BICDL2: variants seen among roughly 807,000 people sequenced by gnomAD.
BICDL2 encodes the protein BICD family-like cargo adapter 2.
In BICDL2, 62 loss-of-function variants were observed where a neutral mutation model predicts 56.6. That is an observed-to-expected ratio of 1.10 (90% confidence interval 0.89 to 1.35). BICDL2 has a LOEUF of 1.35. BICDL2 is among the 40% of genes most tolerant of loss of function. The pLI, the probability that BICDL2 is intolerant of heterozygous loss-of-function variation, is 0.00. For missense variants in BICDL2, 808 were observed against 684.5 expected, an observed-to-expected ratio of 1.18 and a Z score of -2.01; for synonymous variants, 358 against 319.8, an observed-to-expected ratio of 1.12 and a Z score of -1.27.
chr16:3,029,472 G>A (rs1396975687), intron 6 of BICDL2, 43 bp from the exon 7 acceptor site: 1 of 1,584,110 alleles, frequency 6.3e-7, no homozygotes, highest in South Asian at 1.1e-5. Flanking sequence ...AGTTTATTGG[G>A]GAAAGGAGGA....
intron 2 of BICDL2, 38 bp downstream of exon 2, chr16:3,035,177 G>GGCCCCCCCT: frequency 8.4e-6 from 1 of 118,826 alleles, no homozygotes; most frequent in South Asian, 1.4e-4. Context: ...GTCCTCCCCT[G>GGCCCCCCCT]CCCACCCACC....
chr16:3,030,577 G>A lies in BICDL2; in HGVS notation c.634C>T (p.Arg212Cys), dbSNP rs778387307. 6 of 1,596,748 alleles carry A rather than the reference G, an allele frequency of 3.8e-6. No individual in the cohort carries two copies. Among genetic ancestry groups the A allele is most frequent in the African/African-American group, 1.3e-5 (1 of 74,694 alleles). Residue 212 changes from arginine to cysteine, a missense_variant, in exon 5 of 10, where the codon CGC becomes TGC. Physicochemically the swap from Arg to Cys is radical, Grantham distance 180 (BLOSUM62 -3). Transcript: ENST00000572449. ...LQGENQMLQS[R>C]RQDLEAQIRG... ...ATCTGGGCCTCCAGGTCCTGCCGGC[G>A]GCTCTGCAGCATCTGGTTCTGGGGA...
chr16:3,036,673 A>G (rs569030724), intron 1 of BICDL2: 11 of 445,404 alleles, frequency 2.5e-5, no homozygotes, highest in Admixed American at 2.2e-4. Flanking sequence ...TTCCGCACCT[A>G]GCTGCCCAGG....
intron 1 of BICDL2, chr16:3,036,641 C>T (rs1955737386): frequency 2.2e-6 from 1 of 451,564 alleles, no homozygotes; most frequent in Non-Finnish European, 4.4e-6. Context: ...AGACAGGGAC[C>T]TGGAGACCGC....
intron 1 of BICDL2, 39 bp from the exon 2 acceptor site, chr16:3,035,565 C>T: frequency 2.0e-6 from 3 of 1,513,588 alleles, no homozygotes; most frequent in Middle Eastern, 2.4e-4. Context: ...CAGGGGCTCA[C>T]CCTCCGCCCA....
At chr16:3,033,274 C>T (rs2151143912) in intron 2 of BICDL2, among the ~76,000 whole-genome samples, 1 of 151,950 alleles carries the variant, frequency 6.6e-6, no homozygotes, top group Middle Eastern at 3.5e-3. Context: ...CACTGCACTC[C>T]AGCCTGGGCG....
Position 3,035,250 on chromosome 16 carries a change from C to T in BICDL2, c.247G>A (p.Glu83Lys). 1 of 1,541,798 alleles carries T rather than the reference C, an allele frequency of 6.5e-7. No homozygotes were observed. Among genetic ancestry groups the T allele is most frequent in the Non-Finnish European group, 8.8e-7 (1 of 1,142,298 alleles). ...ERNEELRRQL[E>K]TLSAQHLERE... is the part of the protein sequence containing the mutation. Reference sequence around the variant, plus strand: ...TCCAAGTGCTGGGCGCTCAGCGTCTCCAGCTGCCGCCGCAGCTCTTCATTT... The same window carrying T: ...TCCAAGTGCTGGGCGCTCAGCGTCTTCAGCTGCCGCCGCAGCTCTTCATTT... The change falls in exon 2 of 10, where the codon GAG becomes AAG. Residue 83 changes from glutamate to lysine, a missense_variant. Glu to Lys is a moderately conservative substitution (Grantham distance 56). Coordinates refer to ENST00000572449, the MANE Select transcript of BICDL2 (RefSeq NM_001369667.1).
At chr16:3,030,282 G>A (rs755499877) in intron 5 of BICDL2, 167 bp downstream of exon 5, 163 of 842,542 alleles carry the variant, frequency 1.9e-4, no homozygotes, top group Non-Finnish European at 2.8e-4. Flanking sequence ...TGCCTCACCT[G>A]CTCAACAGCC....
At chr16:3,035,092 C>T (rs537836322) in intron 2 of BICDL2, 123 bp downstream of exon 2, 22 of 1,025,568 alleles carry the variant, frequency 2.1e-5, no homozygotes, top group South Asian at 4.9e-5. Flanking sequence ...GTGCCCCCCT[C>T]GCCCGGCTGT....
chr16:3,030,645 C>T (rs755489362), intron 4 of BICDL2, 50 bp from the exon 5 acceptor site: 2 of 1,593,576 alleles, frequency 1.3e-6, no homozygotes, highest in Non-Finnish European at 1.7e-6. Flanking sequence ...TCCCAGCCCT[C>T]AGCCCGGCTT....
rs1284578011 is a variant in BICDL2 at position 3,035,219 on chromosome 16, T to C, written c.278A>G (p.Glu93Gly). 18 of 1,073,534 alleles carry C rather than the reference T, an allele frequency of 1.7e-5. No homozygotes were observed. The highest frequency in any genetic ancestry group is 2.6e-4 in the Middle Eastern group (1 of 3,792). The allele number at this position is 1,073,534 out of a possible 1,614,324, so 66.5% of individuals were successfully genotyped here. A position where few individuals can be genotyped will look rare whatever the true frequency, so the allele number is the denominator to read the frequency against. The change falls in exon 2 of 10, where the codon GAG (glutamate) becomes GGG (glycine). Residue 93 changes from glutamate to glycine, a missense_variant. Transcript: ENST00000572449. ...ETLSAQHLER[E>G]ERLQQENHEL... is the part of the protein sequence containing the mutation. Reference sequence around the variant, plus strand: ...CCCCGTCCAGTGCTAGCTCACTTCCTCACGCTCCAAGTGCTGGGCGCTCAG... The same window carrying C: ...CCCCGTCCAGTGCTAGCTCACTTCCCCACGCTCCAAGTGCTGGGCGCTCAG...
Position 3,031,045 on chromosome 16 carries a change from C to A in BICDL2, c.388G>T (p.Ala130Ser). 1.3e-6 allele frequency: 2 copies of A among 1,540,798 alleles called. No individual in the cohort carries two copies. Among genetic ancestry groups the A allele is most frequent in the South Asian group, 1.2e-5 (1 of 84,234 alleles). ...ELEGDVEALR[A>S]QLGEQRSEQQ... ...TCTGAGCGCTGCTCCCCAAGCTGGG[C>A]CCGCAGGGCCTCCACGTCCCCCTCC... is the stretch of plus-strand genomic sequence containing the variant. Residue 130 changes from alanine to serine, a missense_variant, in exon 3 of 10, where the codon GCC (alanine) becomes TCC (serine). By Grantham distance (99) the Ala-to-Ser change is moderately conservative. Transcript: ENST00000572449.
Position 3,030,189 on chromosome 16 carries a change from GGGCT to G in BICDL2, c.762+256_762+259del, listed in dbSNP as rs1955631422. On this transcript the variant is annotated intron_variant, in intron 5 of 9. Coordinates refer to ENST00000572449, the MANE Select transcript of BICDL2 (RefSeq NM_001369667.1). ...TCTCCATTGCGCAGCCGTGGTCTAG[GGGCT>G]GTCATTCCTGGCCTGAGCTCTGGCA... 10 of 540,790 alleles carry G rather than the reference GGGCT, an allele frequency of 1.8e-5. No homozygotes were observed. The East Asian group carries it at 3.1e-4, about 17-fold the overall frequency. 33.5% of individuals were successfully genotyped at this position (540,790 alleles called of 1,614,324 possible). A position where few individuals can be genotyped will look rare whatever the true frequency, so the allele number is the denominator to read the frequency against.
Position 3,029,622 on chromosome 16 carries a change from A to T in BICDL2, c.880T>A (p.Ser294Thr), listed in dbSNP as rs1208084764. ...CTGTGGGCCAGTTCTGACTGCAACG[A>T]GGCAGCCGACACGTCGGCGTCCTGG... Reference protein sequence around the residue: ...RLQDADVSAASLQSELAHSLD... With the variant: ...RLQDADVSAATLQSELAHSLD... The change falls in exon 6 of 10, where the codon TCG (serine) becomes ACG (threonine). Residue 294 changes from serine to threonine, a missense_variant. Physicochemically the swap from Ser to Thr is moderately conservative, Grantham distance 58 (BLOSUM62 1). Coordinates refer to ENST00000572449, the MANE Select transcript of BICDL2 (RefSeq NM_001369667.1). 1 of 1,537,206 alleles carries T rather than the reference A, an allele frequency of 6.5e-7. No individual in the cohort carries two copies. Among genetic ancestry groups the T allele is most frequent in the African/African-American group, 1.4e-5 (1 of 72,818 alleles).
chr16:3,030,836 G>A, intron 3 of BICDL2, 24 bp from the exon 4 acceptor site: 1 of 1,587,500 alleles, frequency 6.3e-7, no homozygotes, highest in South Asian at 1.1e-5. Flanking sequence ...AAGAGGGACA[G>A]AGGAGCCTCA....
At position 3,028,222 on chromosome 16, in the gene BICDL2, CCTT is replaced by C. The variant is rs766707747; in HGVS notation, c.1408_1410del (p.Lys470del). The C allele has an allele frequency of 1.8e-5, 26 of 1,471,602 alleles. No homozygotes were observed. Among genetic ancestry groups the C allele is most frequent in the South Asian group, 1.3e-4 (9 of 70,746 alleles). The allele number at this position is 1,471,602 out of a possible 1,614,324, so 91.2% of individuals were successfully genotyped here. Reference sequence around the variant, plus strand: ...GACGACGACGCGGAGGCGCTCAGCTCCTTCTGGCGCTGTGAGCGCAGCTGCTGC... The same window carrying C: ...GACGACGACGCGGAGGCGCTCAGCTCCTGGCGCTGTGAGCGCAGCTGCTGC... On this transcript the variant is annotated inframe_deletion, in exon 10 of 10. Transcript: ENST00000572449.
At chr16:3,034,237 C>T (rs1237496235) in intron 2 of BICDL2, among the ~76,000 whole-genome samples, 1 of 152,196 alleles carries the variant, frequency 6.6e-6, no homozygotes, top group African/African-American at 2.4e-5. Context: ...AGAGGGCCAG[C>T]AGCTGACCCA....
chr16:3,029,973 CT>C (rs778643057), intron 5 of BICDL2: 3 of 535,444 alleles, frequency 5.6e-6, no homozygotes, highest in Non-Finnish European at 9.8e-6. Context: ...ATCTCCTCCC[CT>C]GCCCAGTCTA....
chr16:3,030,597 T>C lies in BICDL2; in HGVS notation c.616-2A>G. On this transcript the variant is annotated splice_acceptor_variant, in intron 4 of 9. Coordinates refer to ENST00000572449, the MANE Select transcript of BICDL2 (RefSeq NM_001369667.1). LOFTEE classifies it high-confidence loss of function. The stretch of plus-strand genomic sequence containing the variant: ...CCGGCGGCTCTGCAGCATCTGGTTC[T>C]GGGGAAAGGCCTGAGAGCTGGGGAC... 1 of 1,597,298 alleles carries C rather than the reference T, an allele frequency of 6.3e-7. No individual in the cohort carries two copies. The highest frequency in any genetic ancestry group is 8.5e-7 in the Non-Finnish European group (1 of 1,175,522).
Sources: gnomAD v4.1 joint callset for allele counts (sites outside exome capture counted in the v4.1 genomes callset) on GRCh38, gnomAD v4.1.1 for gene constraint, MANE v1.5 for transcripts, NCBI Gene and HGNC (gene_info 2026-07-23, HGNC 2026-07-21) for gene names.